Variants in SCAMP1 observed in about 807,000 individuals in gnomAD.
SCAMP1 encodes secretory carrier-associated membrane protein 1.
In SCAMP1, 15 loss-of-function variants were observed where a neutral mutation model predicts 41.8. The observed-to-expected ratio is 0.36, with a 90% confidence interval of 0.24 to 0.55. SCAMP1 has a LOEUF of 0.55. Ranked by LOEUF, SCAMP1 falls within the 20% of genes least tolerant of loss-of-function variation. The probability of loss-of-function intolerance (pLI) is 0.86; values close to 1 mark genes in which losing one functional copy is unlikely to be tolerated. For synonymous variants in SCAMP1, 135 were observed against 136.8 expected (o/e 0.99, Z 0.09); for missense variants, 341 against 412.6 (o/e 0.83, Z 1.50).
At chr5:78,379,430 T>G (rs60963327) in intron 1 of SCAMP1, among the ~76,000 whole-genome samples, 12,069 of 152,268 alleles carry the variant, frequency 0.079, 1,543 homozygotes, top group African/African-American at 0.27. Flanking sequence ...AATTCAGAGA[T>G]ATCAGTTCTT....
chr5:78,430,613 T>A (rs1752597315), intron 6 of SCAMP1, among the ~76,000 whole-genome samples: 1 of 152,008 alleles, frequency 6.6e-6, no homozygotes, highest in African/African-American at 2.4e-5. Context: ...CGTTTATATA[T>A]AAATATATAC....
At chr5:78,422,085 T>C in intron 6 of SCAMP1, 125 bp downstream of exon 6, 1 of 755,910 alleles carries the variant, frequency 1.3e-6, no homozygotes, top group South Asian at 2.2e-5. Context: ...GTAACATACC[T>C]TCAGGAAAGT....
At chr5:78,430,044 ACAG>A in intron 6 of SCAMP1, among the ~76,000 whole-genome samples, 2 of 121,106 alleles carry the variant, frequency 1.7e-5, no homozygotes, top group Non-Finnish European at 3.7e-5. Flanking sequence ...AATAGTATTT[ACAG>A]TATTTATTTA....
intron 8 of SCAMP1, among the ~76,000 whole-genome samples, chr5:78,463,493 C>T (rs1262086279): frequency 6.6e-6 from 1 of 152,192 alleles, no homozygotes; most frequent in East Asian, 1.9e-4. Flanking sequence ...GTTGCATCTT[C>T]AATTGGTCAT....
chr5:78,394,291 G>A (rs1009033645), intron 2 of SCAMP1, among the ~76,000 whole-genome samples: 14 of 152,086 alleles, frequency 9.2e-5, no homozygotes, highest in Admixed American at 7.9e-4. Flanking sequence ...TCACTAAGCA[G>A]TTGGTAACTT....
intron 6 of SCAMP1, among the ~76,000 whole-genome samples, chr5:78,435,013 A>G (rs1046092236): frequency 2.6e-5 from 4 of 152,234 alleles, no homozygotes; most frequent in Non-Finnish European, 5.9e-5. Context: ...TAGAACAGCA[A>G]CAGTAGGTAT....
chr5:78,443,239 A>T (rs1291030944), intron 6 of SCAMP1, among the ~76,000 whole-genome samples: 2 of 133,058 alleles, frequency 1.5e-5, no homozygotes, highest in Non-Finnish European at 3.4e-5. Context: ...AAAAAAAAAG[A>T]ATTTTACCTT....
intron 3 of SCAMP1, 122 bp downstream of exon 3, chr5:78,415,740 C>T (rs987549646): frequency 1.5e-6 from 1 of 652,916 alleles, no homozygotes; most frequent in East Asian, 2.8e-5. Context: ...AACTCACTTT[C>T]AAGTCTGGAT....
At chr5:78,444,362 G>T (rs893160588) in intron 6 of SCAMP1, among the ~76,000 whole-genome samples, 1 of 152,198 alleles carries the variant, frequency 6.6e-6, no homozygotes, top group Non-Finnish European at 1.5e-5. Flanking sequence ...AGGAGCAAAG[G>T]TATGTCTTAC....
intron 5 of SCAMP1, among the ~76,000 whole-genome samples, chr5:78,421,135 C>T (rs1441499848): frequency 1.3e-5 from 2 of 152,254 alleles, no homozygotes; most frequent in East Asian, 3.9e-4. Context: ...CAATTATTAA[C>T]AGCATATGAT....
At chr5:78,371,020 T>G (rs994695611) in intron 1 of SCAMP1, among the ~76,000 whole-genome samples, 1 of 152,156 alleles carries the variant, frequency 6.6e-6, no homozygotes, top group Non-Finnish European at 1.5e-5. Flanking sequence ...GGGTTATTTG[T>G]CTTTTTTATT....
chr5:78,461,879 A>T (rs13167053), intron 8 of SCAMP1, among the ~76,000 whole-genome samples: 56,358 of 152,054 alleles, frequency 0.37, 12,567 homozygotes, highest in Non-Finnish European at 0.5. Flanking sequence ...AAGTCAGGCA[A>T]TATGATGCCT....
intron 6 of SCAMP1, among the ~76,000 whole-genome samples, chr5:78,437,975 T>C (rs9765221): frequency 0.82 from 124,916 of 152,174 alleles, 51,973 homozygotes; most frequent in East Asian, 0.92. Flanking sequence ...TTATCTGTTT[T>C]TTCTAGATTT....
chr5:78,391,568 G>A lies in SCAMP1; in HGVS notation c.135+2654G>A, dbSNP rs923775753. ...GCTCTTCACTTCTCAGACGATGGGT[G>A]GCCAGGCAGAGACGCTCCTCACTTC... On this transcript the variant is annotated intron_variant, in intron 2 of 8. Transcript: ENST00000621999. 2.6e-5 allele frequency among the ~76,000 whole-genome samples: 4 copies of A among 151,990 alleles called. No homozygotes were observed. In the East Asian group the frequency reaches 5.8e-4, roughly 22 times the overall value.
chr5:78,455,567 A>G (rs199953412), intron 7 of SCAMP1, among the ~76,000 whole-genome samples: 708 of 104,694 alleles, frequency 6.8e-3, no homozygotes, highest in East Asian at 0.022. Flanking sequence ...TATAATTTCT[A>G]TTCTTTTACA....
Position 78,369,366 on chromosome 5 carries a change from C to A in SCAMP1, c.57+8638C>A, listed in dbSNP as rs34872566. On this transcript the variant is annotated intron_variant, in intron 1 of 8. Coordinates refer to ENST00000621999, the MANE Select transcript of SCAMP1 (RefSeq NM_004866.6). ...AGGTGATCTGCCTGCCTTGGCCTCCCAAAGTGCTGGGATTACAAGCGTGAG... is the reference window on the plus strand; with the variant it reads ...AGGTGATCTGCCTGCCTTGGCCTCCAAAAGTGCTGGGATTACAAGCGTGAG... 4.9e-3 allele frequency among the ~76,000 whole-genome samples: 742 copies of A among 152,230 alleles called. 4 individuals are homozygous for A. The highest frequency in any genetic ancestry group is 7.4e-3 in the Non-Finnish European group (503 of 68,012).
chr5:78,417,843 A>T (rs1752246803), intron 4 of SCAMP1, among the ~76,000 whole-genome samples: 1 of 152,198 alleles, frequency 6.6e-6, no homozygotes, highest in Non-Finnish European at 1.5e-5. Context: ...GATAAATGGA[A>T]CACAGGAGAC....
chr5:78,404,088 C>G (rs953802613), intron 2 of SCAMP1, among the ~76,000 whole-genome samples: 2 of 142,816 alleles, frequency 1.4e-5, no homozygotes, highest in Admixed American at 1.5e-4. Context: ...TGCACTCCAA[C>G]CTGAGTGACA....
chr5:78,405,561 G>T (rs186243681), intron 2 of SCAMP1, among the ~76,000 whole-genome samples: 2 of 152,196 alleles, frequency 1.3e-5, no homozygotes, highest in Non-Finnish European at 2.9e-5. Flanking sequence ...TGGTCTTTTT[G>T]TTGTTGTCCC....
Sources: gnomAD v4.1 joint callset for allele counts (sites outside exome capture counted in the v4.1 genomes callset) on GRCh38, gnomAD v4.1.1 for gene constraint, MANE v1.5 for transcripts, NCBI Gene and HGNC (gene_info 2026-07-23, HGNC 2026-07-21) for gene names.